The following LY75 variants were observed in gnomAD, a reference collection of about 807,000 sequenced individuals.
LY75 encodes lymphocyte antigen 75.
A neutral mutation model predicts 231.7 loss-of-function variants in LY75; 185 were observed. That is an observed-to-expected ratio of 0.80 (90% confidence interval 0.71 to 0.90). The LOEUF (loss-of-function observed/expected upper bound fraction) is 0.90. LY75 is among the 40% of genes least tolerant of loss of function. The probability of loss-of-function intolerance (pLI) is 0.00; values close to 1 mark genes in which losing one functional copy is unlikely to be tolerated. For missense variants in LY75, 1,947 were observed against 2,050.2 expected, an observed-to-expected ratio of 0.95 and a Z score of 0.97; for synonymous variants, 668 against 689.0, an observed-to-expected ratio of 0.97 and a Z score of 0.48.
At chr2:159,872,365 C>A in intron 13 of LY75, 86 bp downstream of exon 13, 2 of 1,512,880 alleles carry the variant, frequency 1.3e-6, no homozygotes, top group South Asian at 1.3e-5. Context: ...TTTTTTCCAA[C>A]AGAGAGTGAG....
At chr2:159,871,809 A>G (rs1328667759) in intron 13 of LY75, 1 of 152,208 alleles carries the variant, frequency 6.6e-6, no homozygotes, top group Non-Finnish European at 1.5e-5. Flanking sequence ...GTATATATGT[A>G]TATATGCAGG....
chr2:159,845,108 A>C (rs1353861620), intron 23 of LY75, among the ~76,000 whole-genome samples: 1 of 152,202 alleles, frequency 6.6e-6, no homozygotes, highest in Non-Finnish European at 1.5e-5. Flanking sequence ...ACAATGAGAA[A>C]GAGATGGAAC....
chr2:159,868,749 C>T (rs974211734), intron 13 of LY75, among the ~76,000 whole-genome samples: 6 of 152,134 alleles, frequency 3.9e-5, no homozygotes, highest in East Asian at 1.9e-4. Flanking sequence ...CATGGCTCCT[C>T]GTTCCAGTTA....
chr2:159,887,569 A>C lies in LY75; in HGVS notation c.803-1039T>G, dbSNP rs74722193. Among the ~76,000 whole-genome samples the C allele has an allele frequency of 9.5e-3, 940 of 99,004 alleles. 2 individuals are homozygous for C. The highest frequency in any genetic ancestry group is 0.014 in the Non-Finnish European group (631 of 45,982). 65.0% of individuals were successfully genotyped at this position (99,004 alleles called of 152,430 possible). A position where few individuals can be genotyped will look rare whatever the true frequency, so the allele number is the denominator to read the frequency against. On this transcript the variant is annotated intron_variant, in intron 4 of 34. Coordinates refer to ENST00000263636, the MANE Select transcript of LY75 (RefSeq NM_002349.4). ...CAGGACTCTGTCTCAACAACAACAA[A>C]AAAAAAAAAAAAAAAGAAAAAAGAA...
At chr2:159,888,085 C>T (rs930921813) in intron 4 of LY75, among the ~76,000 whole-genome samples, 2 of 151,940 alleles carry the variant, frequency 1.3e-5, no homozygotes, top group African/African-American at 2.4e-5. Context: ...TATTCAAGTG[C>T]CAAACAATAC....
chr2:159,835,721 A>G, intron 25 of LY75, 76 bp from the exon 26 acceptor site: 4 of 1,542,006 alleles, frequency 2.6e-6, no homozygotes, highest in East Asian at 2.3e-5. Flanking sequence ...CCCATGGTCA[A>G]TCTAATGATT....
intron 31 of LY75, among the ~76,000 whole-genome samples, 169 bp from the exon 32 acceptor site, chr2:159,810,844 C>T (rs567888000): frequency 6.6e-6 from 1 of 152,256 alleles, no homozygotes; most frequent in South Asian, 2.1e-4. Flanking sequence ...TTTTAATTAA[C>T]TTTTTGGAAT....
intron 16 of LY75, among the ~76,000 whole-genome samples, chr2:159,856,689 T>G (rs1214061012): frequency 6.6e-6 from 1 of 152,218 alleles, no homozygotes; most frequent in African/African-American, 2.4e-5. Context: ...TTTATTTTAT[T>G]TCTGCATGGG....
At chr2:159,861,552 A>C (rs954059358) in intron 14 of LY75, among the ~76,000 whole-genome samples, 2 of 152,142 alleles carry the variant, frequency 1.3e-5, no homozygotes, top group Non-Finnish European at 2.9e-5. Flanking sequence ...ATTCGAGACC[A>C]GCCTGGGCAA....
chr2:159,859,998 G>A (rs1425410914), intron 15 of LY75, among the ~76,000 whole-genome samples: 1 of 152,204 alleles, frequency 6.6e-6, no homozygotes, highest in African/African-American at 2.4e-5. Flanking sequence ...CAGTGGTGTT[G>A]TAATTGCTTG....
At chr2:159,896,129 G>A (rs1044638409) in intron 2 of LY75, among the ~76,000 whole-genome samples, 1 of 152,204 alleles carries the variant, frequency 6.6e-6, no homozygotes, top group Non-Finnish European at 1.5e-5. Flanking sequence ...GCTTCTAAGA[G>A]TTGCCCAGAA....
intron 31 of LY75, among the ~76,000 whole-genome samples, chr2:159,811,989 A>G (rs1682973591): frequency 6.6e-6 from 1 of 152,208 alleles, no homozygotes; most frequent in African/African-American, 2.4e-5. Flanking sequence ...TCTTGTTTTT[A>G]CCACCTTATG....
chr2:159,847,293 C>T (rs1684232805), intron 23 of LY75, among the ~76,000 whole-genome samples: 1 of 152,172 alleles, frequency 6.6e-6, no homozygotes, highest in African/African-American at 2.4e-5. Flanking sequence ...GGATTACAGG[C>T]ATGAGCCACC....
intron 5 of LY75, 75 bp from the exon 6 acceptor site, chr2:159,885,368 T>C (rs1432915346): frequency 2.0e-6 from 3 of 1,529,420 alleles, no homozygotes; most frequent in Admixed American, 4.2e-5. Flanking sequence ...GAATAATTTG[T>C]ATTCCTAATT....
intron 6 of LY75, among the ~76,000 whole-genome samples, 168 bp downstream of exon 6, chr2:159,884,985 A>T (rs529836449): frequency 6.6e-6 from 1 of 152,282 alleles, no homozygotes; most frequent in South Asian, 2.1e-4. Flanking sequence ...TTATTCATAT[A>T]TGGTTGATAA....
chr2:159,853,813 CT>C, intron 18 of LY75, 116 bp from the exon 19 acceptor site: 1 of 1,383,766 alleles, frequency 7.2e-7, no homozygotes, highest in Non-Finnish European at 1.0e-6. Flanking sequence ...ACATTCCTTA[CT>C]TAGATTTCAA....
At chr2:159,826,066 C>G (rs1010634418) in intron 28 of LY75, among the ~76,000 whole-genome samples, 1 of 152,212 alleles carries the variant, frequency 6.6e-6, no homozygotes, top group African/African-American at 2.4e-5. Flanking sequence ...TGCCCTCTCT[C>G]ACCTCTCCTG....
At position 159,805,023 on chromosome 2, in the gene LY75, T is replaced by C; in HGVS notation, c.*21A>G. 1 of 1,604,458 alleles carries C rather than the reference T, an allele frequency of 6.2e-7. No individual in the cohort carries two copies. Among genetic ancestry groups the C allele is most frequent in the South Asian group, 1.1e-5 (1 of 90,470 alleles). ...ATTTCTCATAACACATTAGTGCAAA[T>C]TAGAAAACTTTTAGAAGAATTTAGT... On this transcript the variant is annotated 3_prime_UTR_variant, in exon 35 of 35. Coordinates refer to ENST00000263636, the MANE Select transcript of LY75 (RefSeq NM_002349.4).
At chr2:159,881,332 G>T in intron 7 of LY75, 92 bp from the exon 8 acceptor site, 1 of 1,393,010 alleles carries the variant, frequency 7.2e-7, no homozygotes, top group Non-Finnish European at 9.5e-7. Context: ...CTGATATGGA[G>T]TTTTAAGAGC....
Sources: allele counts gnomAD v4.1 joint callset (sites outside exome capture counted in the v4.1 genomes callset), GRCh38; gene constraint gnomAD v4.1.1; transcripts MANE v1.5; gene names NCBI Gene and HGNC (gene_info 2026-07-23, HGNC 2026-07-21).